ACOX2: variants seen among roughly 807,000 people sequenced by gnomAD.
ACOX2 encodes acyl-CoA oxidase 2.
A neutral mutation model predicts 77.5 loss-of-function variants in ACOX2; 59 were observed. That is an observed-to-expected ratio of 0.76 (90% confidence interval 0.62 to 0.95). The LOEUF is 0.95. Ranked by LOEUF, ACOX2 falls within the 40% of genes least tolerant of loss-of-function variation. The pLI, the probability that ACOX2 is intolerant of heterozygous loss-of-function variation, is 0.00. For synonymous variants in ACOX2, 317 were observed against 340.1 expected (o/e 0.93, Z 0.75); for missense variants, 837 against 880.4 (o/e 0.95, Z 0.62).
At chr3:58,529,851 T>C (rs774839234) in intron 8 of ACOX2, among the ~76,000 whole-genome samples, 4 of 152,202 alleles carry the variant, frequency 2.6e-5, no homozygotes, top group Middle Eastern at 6.3e-3. Flanking sequence ...TGAAGTGAAA[T>C]GGCCGAGCTG....
At position 58,512,179 on chromosome 3, in the gene ACOX2, A is replaced by G. The variant is rs1274976347; in HGVS notation, c.1851-3154T>C. 6.6e-6 allele frequency among the ~76,000 whole-genome samples: 1 copy of G among 152,190 alleles called. No homozygotes were observed. The highest frequency in any genetic ancestry group is 1.5e-5 in the Non-Finnish European group (1 of 68,022). On this transcript the variant is annotated intron_variant, in intron 13 of 14. Coordinates refer to ENST00000302819, the MANE Select transcript of ACOX2 (RefSeq NM_003500.4). This position sits in a 1 kb window ranked among gnomAD's most constrained non-coding sequence, Gnocchi z 4.8. ...ACCTGGGCCTCCTGTAGTCTTCCGC[A>G]TTTATAGTAAATGGCAGCTCTGCCC... is the stretch of plus-strand genomic sequence containing the variant.
At chr3:58,516,969 TAA>T (rs766008057) in intron 13 of ACOX2, among the ~76,000 whole-genome samples, 7 of 152,276 alleles carry the variant, frequency 4.6e-5, no homozygotes, top group Non-Finnish European at 8.8e-5. Context: ...CTTGACAATG[TAA>T]AGAGTTCAAC....
rs2063414386 is a variant in ACOX2 at position 58,528,709 on chromosome 3, T to C, written c.1155+85A>G. Reference sequence around the variant, plus strand: ...TGGGGGTGGGGAGTGCCCATGGGGATGGGGCTGTGGCTGCTCCCCAGTGAG... The same window carrying C: ...TGGGGGTGGGGAGTGCCCATGGGGACGGGGCTGTGGCTGCTCCCCAGTGAG... On this transcript the variant is annotated intron_variant, in intron 9 of 14. Transcript: ENST00000302819. The surrounding 1 kb of genome is among the most constrained non-coding windows in gnomAD (Gnocchi z 5.6). 6.9e-7 allele frequency: 1 copy of C among 1,447,272 alleles called. No individual in the cohort carries two copies. The highest frequency in any genetic ancestry group is 2.4e-5 in the East Asian group (1 of 41,020). The allele number at this position is 1,447,272 out of a possible 1,614,324, so 89.7% of individuals were successfully genotyped here.
chr3:58,529,712 C>T (rs755858807), intron 8 of ACOX2, among the ~76,000 whole-genome samples: 5 of 152,196 alleles, frequency 3.3e-5, no homozygotes, highest in Admixed American at 6.5e-5. Flanking sequence ...CAGGCGAGGG[C>T]GCTGTGAGCT....
At position 58,534,817 on chromosome 3, in the gene ACOX2, A is replaced by G. The variant is rs2063469029; in HGVS notation, c.160+130T>C. On this transcript the variant is annotated intron_variant, in intron 2 of 14. Transcript: ENST00000302819. This position sits in a 1 kb window ranked among gnomAD's most constrained non-coding sequence, Gnocchi z 4.8. ...AAGATTGTCTTTACAGTTCGAAGGA[A>G]TGAATCTCTAACAGTGGAATTTCAA... The G allele has an allele frequency of 1.4e-5, 21 of 1,458,488 alleles. No homozygotes were observed. The highest frequency in any genetic ancestry group is 2.0e-5 in the Non-Finnish European group (21 of 1,056,394). 90.3% of individuals were successfully genotyped at this position (1,458,488 alleles called of 1,614,324 possible). A position where few individuals can be genotyped will look rare whatever the true frequency, so the allele number is the denominator to read the frequency against.
rs2063359017 is a variant in ACOX2, at chr3:58,521,616, C to A, written c.1632+880G>T. ...TCCCTTTCATTCCATCCTGGGCAAC[C>A]TGCATGATTCTTCTAGAATGAAACT... On this transcript the variant is annotated intron_variant, in intron 12 of 14. Coordinates refer to ENST00000302819, the MANE Select transcript of ACOX2 (RefSeq NM_003500.4). This position sits in a 1 kb window ranked among gnomAD's most constrained non-coding sequence, Gnocchi z 4.8. Among the ~76,000 whole-genome samples, 2 of 152,200 alleles carry A rather than the reference C, an allele frequency of 1.3e-5. No homozygotes were observed. Among genetic ancestry groups the A allele is most frequent in the African/African-American group, 4.8e-5 (2 of 41,448 alleles).
chr3:58,526,581 C>G lies in ACOX2; in HGVS notation c.1231G>C (p.Ala411Pro). The G allele has an allele frequency of 6.2e-7, 1 of 1,614,226 alleles. No homozygotes were observed. The change falls in exon 10 of 15, where the codon GCC (alanine) becomes CCC (proline). Residue 411 changes from alanine to proline, a missense_variant. Coordinates refer to ENST00000302819, the MANE Select transcript of ACOX2 (RefSeq NM_003500.4). This position sits in a 1 kb window ranked among gnomAD's most constrained non-coding sequence, Gnocchi z 4.3. The part of the protein sequence containing the change: ...CTQGAEMCRR[A>P]CGGHGYSKLS... ...TTTGAGTAGCCATGTCCGCCACAGGCCCTGCGGCACATCTCAGCTCCCTGG... is the reference window on the plus strand; with the variant it reads ...TTTGAGTAGCCATGTCCGCCACAGGGCCTGCGGCACATCTCAGCTCCCTGG...
In ACOX2 at chr3:58,526,417, G is replaced by A. The variant is rs761596161; in HGVS notation, c.1346+49C>T. On this transcript the variant is annotated intron_variant, in intron 10 of 14. Transcript: ENST00000302819. The surrounding 1 kb of genome is among the most constrained non-coding windows in gnomAD (Gnocchi z 4.3). ...GAACCCTCCACCCAACAGAAGCTTG[G>A]TGGGTCCCCAAGGGCTTGGGCAAAG... is the stretch of plus-strand genomic sequence containing the variant. The A allele has an allele frequency of 1.3e-6, 2 of 1,543,006 alleles. No individual in the cohort carries two copies. The highest frequency in any genetic ancestry group is 2.7e-5 in the African/African-American group (2 of 72,836).
Position 58,509,022 on chromosome 3 carries a change from C to T in ACOX2, c.1854G>A (p.Lys618=). ...AYLDLLRLIR[K]DAILLTDAFD... is the part of the protein sequence containing the mutation. ...AAGCATCAGTTAACAGGATGGCATC[C>T]TTCCTGGGATAGGAAACAAGAGTTT... The change falls in exon 14 of 15, where the codon AAG becomes AAA. Residue 618 remains lysine, a synonymous_variant. Transcript: ENST00000302819. 5 of 1,614,170 alleles carry T rather than the reference C, an allele frequency of 3.1e-6. No homozygotes were observed. Among genetic ancestry groups the T allele is most frequent in the Non-Finnish European group, 4.2e-6 (5 of 1,179,990 alleles).
At chr3:58,518,075 C>CAAA (rs763535906) in intron 12 of ACOX2, among the ~76,000 whole-genome samples, 63 of 47,604 alleles carry the variant, frequency 1.3e-3, no homozygotes, top group African/African-American at 3.4e-3. Context: ...AACTCCATCT[C>CAAA]AAAAAAAAAA....
At chr3:58,518,163 C>T (rs748286147) in intron 12 of ACOX2, among the ~76,000 whole-genome samples, 29 of 150,070 alleles carry the variant, frequency 1.9e-4, no homozygotes, top group Non-Finnish European at 3.4e-4. Flanking sequence ...TGTGTGTGTG[C>T]GTGCACATGT....
chr3:58,517,239 C>T lies in ACOX2; in HGVS notation c.1817G>A (p.Arg606Lys). The change falls in exon 13 of 15, where the codon AGA becomes AAA. Residue 606 changes from arginine to lysine, a missense_variant. Coordinates refer to ENST00000302819, the MANE Select transcript of ACOX2 (RefSeq NM_003500.4). ...FLSGAQVDMARTAYLDLLRLI... is the reference protein window; with the variant it reads ...FLSGAQVDMAKTAYLDLLRLI... ...GCGGAGCAGGTCCAGGTAGGCTGTT[C>T]TTGCCATGTCCACTTGGGCACCAGA... is the stretch of plus-strand genomic sequence containing the variant. The T allele has an allele frequency of 1.2e-6, 2 of 1,614,096 alleles. No individual in the cohort carries two copies. Among genetic ancestry groups the T allele is most frequent in the African/African-American group, 2.7e-5 (2 of 75,022 alleles).
At chr3:58,506,804 A>T (rs919984751) in intron 14 of ACOX2, among the ~76,000 whole-genome samples, 1 of 152,200 alleles carries the variant, frequency 6.6e-6, no homozygotes, top group African/African-American at 2.4e-5. Flanking sequence ...AAATAATAAT[A>T]AATAAAAATA....
chr3:58,511,096 A>G, intron 13 of ACOX2: 2 of 455,798 alleles, frequency 4.4e-6, no homozygotes, highest in Middle Eastern at 6.5e-4. Flanking sequence ...GTAAGTTCCC[A>G]CCCTTGCATT....
Position 58,531,593 on chromosome 3 carries a change from A to G in ACOX2, c.703+100T>C. The G allele has an allele frequency of 2.0e-6, 3 of 1,513,604 alleles. No individual in the cohort carries two copies. The highest frequency in any genetic ancestry group is 2.7e-6 in the Non-Finnish European group (3 of 1,121,488). 93.8% of individuals were successfully genotyped at this position (1,513,604 alleles called of 1,614,324 possible). A position where few individuals can be genotyped will look rare whatever the true frequency, so the allele number is the denominator to read the frequency against. ...GGACCGCTCCCTGCCCAAGGGAGACATGTCTTAGCTACTCCTGTGGCCCTC... is the reference window on the plus strand; with the variant it reads ...GGACCGCTCCCTGCCCAAGGGAGACGTGTCTTAGCTACTCCTGTGGCCCTC... On this transcript the variant is annotated intron_variant, in intron 6 of 14. Transcript: ENST00000302819. This position sits in a 1 kb window ranked among gnomAD's most constrained non-coding sequence, Gnocchi z 5.8.
intron 8 of ACOX2, among the ~76,000 whole-genome samples, chr3:58,529,646 T>C (rs2063422245): frequency 6.6e-6 from 1 of 152,196 alleles, no homozygotes; most frequent in Admixed American, 6.6e-5. Context: ...AGCCCCTTCT[T>C]CCCAGTGGCC....
At position 58,528,928 on chromosome 3, in the gene ACOX2, G is replaced by C. The variant is rs1169681100; in HGVS notation, c.1021C>G (p.Gln341Glu). The change falls in exon 9 of 15, where the codon CAG (glutamine) becomes GAG (glutamate). Residue 341 changes from glutamine (Q) to glutamate (E), a missense_variant. Coordinates refer to ENST00000302819, the MANE Select transcript of ACOX2 (RefSeq NM_003500.4). This position sits in a 1 kb window ranked among gnomAD's most constrained non-coding sequence, Gnocchi z 5.6. ...GGAAAGAGTTTCTGCTGTTGTGTCT[G>C]GTAGTCCAGGACCTTTGCCTCTGGG... ...SDPEAKVLDY[Q>E]TQQQKLFPQL... is the part of the protein sequence containing the mutation. The C allele has an allele frequency of 6.2e-7, 1 of 1,613,166 alleles. No homozygotes were observed. Among genetic ancestry groups the C allele is most frequent in the Non-Finnish European group, 8.5e-7 (1 of 1,179,586 alleles).
In ACOX2 at chr3:58,531,218, A is replaced by T. The variant is rs779851384; in HGVS notation, c.819+33T>A. The T allele has an allele frequency of 6.3e-7, 1 of 1,591,310 alleles. No individual in the cohort carries two copies. Among genetic ancestry groups the T allele is most frequent in the Non-Finnish European group, 8.6e-7 (1 of 1,163,168 alleles). ...CAAAGCGCAGGTCCCCTCTCCAGGA[A>T]GTACAAGTCCCCGGCCTCCCCAGAT... On this transcript the variant is annotated intron_variant, in intron 7 of 14. Transcript: ENST00000302819. This position sits in a 1 kb window ranked among gnomAD's most constrained non-coding sequence, Gnocchi z 5.8.
chr3:58,535,215 T>A lies in ACOX2; in HGVS notation c.-91-18A>T. ...CAAAGAACCTGTGTGCAAGAGGAAC[T>A]GCCTAGGGCTGGGTGTCAGCCAGGG... is the stretch of plus-strand genomic sequence containing the variant. On this transcript the variant is annotated intron_variant, in intron 1 of 14. Transcript: ENST00000302819. This position sits in a 1 kb window ranked among gnomAD's most constrained non-coding sequence, Gnocchi z 4.8. 2.1e-6 allele frequency: 3 copies of A among 1,411,142 alleles called. No individual in the cohort carries two copies. Among genetic ancestry groups the A allele is most frequent in the East Asian group, 2.3e-5 (1 of 43,650 alleles). The allele number at this position is 1,411,142 out of a possible 1,614,324, so 87.4% of individuals were successfully genotyped here. A position where few individuals can be genotyped will look rare whatever the true frequency, so the allele number is the denominator to read the frequency against.
Sources: gnomAD v4.1 joint callset for allele counts (sites outside exome capture counted in the v4.1 genomes callset) on GRCh38, gnomAD v4.1.1 for gene constraint, Gnocchi (gnomAD v3.1) non-coding constraint, MANE v1.5 for transcripts, NCBI Gene and HGNC (gene_info 2026-07-23, HGNC 2026-07-21) for gene names.